The following PRKN variants were observed in gnomAD, a reference collection of about 807,000 sequenced individuals.
The protein encoded by PRKN is parkin RBR E3 ubiquitin protein ligase, also known as E3 ubiquitin-protein ligase parkin.
A neutral mutation model predicts 59.5 loss-of-function variants in PRKN; 56 were observed. The ratio of observed to expected loss-of-function variants is 0.94; its 90% CI spans 0.76 to 1.18. PRKN has a LOEUF of 1.18. PRKN is among the 50% of genes most tolerant of loss of function. The probability of loss-of-function intolerance (pLI) is 0.00; values close to 1 mark genes in which losing one functional copy is unlikely to be tolerated. For synonymous variants in PRKN, 250 were observed against 222.1 expected (o/e 1.13, Z -1.12); for missense variants, 657 against 596.4 (o/e 1.10, Z -1.06).
intron 6 of PRKN, among the ~76,000 whole-genome samples, chr6:161,913,042 G>A (rs917112382): frequency 6.6e-6 from 1 of 151,876 alleles, no homozygotes; most frequent in Non-Finnish European, 1.5e-5. Flanking sequence ...GCCTGGCATG[G>A]TAGCAGGCAC....
At chr6:162,198,137 A>T (rs1245606809) in intron 4 of PRKN, among the ~76,000 whole-genome samples, 1 of 152,228 alleles carries the variant, frequency 6.6e-6, no homozygotes, top group African/African-American at 2.4e-5. Context: ...TGATATGCAG[A>T]GCAGAAAACA....
intron 3 of PRKN, among the ~76,000 whole-genome samples, chr6:162,223,328 A>C (rs990599783): frequency 3.3e-5 from 5 of 151,936 alleles, no homozygotes; most frequent in African/African-American, 1.2e-4. Context: ...AGGGCACTTT[A>C]AGAATTTCAT....
intron 1 of PRKN, among the ~76,000 whole-genome samples, chr6:162,628,933 A>G (rs1038044337): frequency 6.6e-6 from 1 of 152,154 alleles, no homozygotes; most frequent in Non-Finnish European, 1.5e-5. Context: ...AAACTGTACT[A>G]AAATAATGTC....
intron 1 of PRKN, among the ~76,000 whole-genome samples, chr6:162,610,491 TATA>T (rs1161152840): frequency 2.0e-5 from 3 of 152,208 alleles, no homozygotes; most frequent in Non-Finnish European, 4.4e-5. Context: ...TCACATATTG[TATA>T]ATATTAACAA....
intron 1 of PRKN, among the ~76,000 whole-genome samples, chr6:162,472,802 T>C (rs1191807131): frequency 1.2e-5 from 1 of 84,488 alleles, no homozygotes; most frequent in Non-Finnish European, 2.7e-5. Context: ...CAAACTTTTA[T>C]TTTATATATA....
rs1794538126 is a variant in PRKN at position 161,874,276 on chromosome 6, T to TGTAAA, written c.735-88369_735-88368insTTTAC. Among the ~76,000 whole-genome samples, 46 of 31,406 alleles carry TGTAAA rather than the reference T, an allele frequency of 1.5e-3. 15 individuals are homozygous for TGTAAA. The highest frequency in any genetic ancestry group is 1.9e-3 in the Non-Finnish European group (34 of 17,628). 20.6% of individuals were successfully genotyped at this position (31,406 alleles called of 152,430 possible). ...TATATTATATGTAAAATATATAATA[T>TGTAAA]ATATTATATATTATATATTACATGT... On this transcript the variant is annotated intron_variant, in intron 6 of 11. Coordinates refer to ENST00000366898, the MANE Select transcript of PRKN (RefSeq NM_004562.3).
Position 161,431,731 on chromosome 6 carries a change from GC to G in PRKN, c.1084-44855del. Among the ~76,000 whole-genome samples the G allele has an allele frequency of 2.0e-5, 3 of 152,018 alleles. No individual in the cohort carries two copies. The East Asian group carries it at 5.8e-4, about 29-fold the overall frequency. ...GGGTTCAAGAGATTCTCCTGGCTCA[GC>G]CTCCCGAGTAGCTGGGATTACAGGC... is the stretch of plus-strand genomic sequence containing the variant. On this transcript the variant is annotated intron_variant, in intron 9 of 11. Coordinates refer to ENST00000366898, the MANE Select transcript of PRKN (RefSeq NM_004562.3).
At chr6:161,846,256 T>C (rs1263098970) in intron 6 of PRKN, among the ~76,000 whole-genome samples, 5 of 152,166 alleles carry the variant, frequency 3.3e-5, no homozygotes, top group African/African-American at 1.2e-4. Context: ...AGCGACCAAG[T>C]CCTGCTCACA....
intron 2 of PRKN, among the ~76,000 whole-genome samples, chr6:162,381,186 C>A (rs1484633019): frequency 6.6e-6 from 1 of 152,144 alleles, no homozygotes; most frequent in African/African-American, 2.4e-5. Context: ...GCATCGTCTC[C>A]ATTGGAAGAC....
intron 1 of PRKN, among the ~76,000 whole-genome samples, chr6:162,480,631 C>T (rs9365444): frequency 0.46 from 69,443 of 151,394 alleles, 16,118 homozygotes; most frequent in Middle Eastern, 0.53. Flanking sequence ...GCTGTGTTAG[C>T]GAGGGGAAAA....
chr6:161,591,337 T>A (rs1781718515), intron 7 of PRKN, among the ~76,000 whole-genome samples: 1 of 152,094 alleles, frequency 6.6e-6, no homozygotes, highest in South Asian at 2.1e-4. Flanking sequence ...TCACTCAGTA[T>A]CACTAGGGGA....
At chr6:162,586,030 C>T (rs1781038470) in intron 1 of PRKN, among the ~76,000 whole-genome samples, 1 of 152,114 alleles carries the variant, frequency 6.6e-6, no homozygotes, top group African/African-American at 2.4e-5. Flanking sequence ...ACACATCAAC[C>T]TGATTAATAA....
intron 1 of PRKN, among the ~76,000 whole-genome samples, chr6:162,605,179 C>T (rs970860050): frequency 2.6e-5 from 4 of 151,800 alleles, no homozygotes; most frequent in African/African-American, 9.7e-5. Flanking sequence ...ATTTTCTAAC[C>T]CTGAATATGA....
At chr6:162,095,363 C>T (rs1779682392) in intron 4 of PRKN, among the ~76,000 whole-genome samples, 1 of 152,056 alleles carries the variant, frequency 6.6e-6, no homozygotes, top group African/African-American at 2.4e-5. Context: ...GGGGAAGGTG[C>T]TTAGAGGTAA....
intron 6 of PRKN, among the ~76,000 whole-genome samples, chr6:161,947,447 G>C (rs1368579927): frequency 6.6e-6 from 1 of 152,142 alleles, no homozygotes; most frequent in Non-Finnish European, 1.5e-5. Context: ...GATTCCAAAT[G>C]GTTCACAATG....
chr6:162,672,507 A>G (rs2128230539), intron 1 of PRKN, among the ~76,000 whole-genome samples: 1 of 152,316 alleles, frequency 6.6e-6, no homozygotes, highest in East Asian at 1.9e-4. Context: ...GATATACTCT[A>G]TCTTCTATAA....
At chr6:162,296,096 G>A (rs879810160) in intron 2 of PRKN, among the ~76,000 whole-genome samples, 19 of 152,052 alleles carry the variant, frequency 1.2e-4, no homozygotes, top group Non-Finnish European at 2.5e-4. Flanking sequence ...CAAAAACAAA[G>A]CAAAAGAGAA....
chr6:161,652,394 T>C (rs935294917), intron 7 of PRKN, among the ~76,000 whole-genome samples: 5 of 152,156 alleles, frequency 3.3e-5, no homozygotes, highest in Non-Finnish European at 5.9e-5. Flanking sequence ...GGGAAACGGA[T>C]ATGATATAAT....
chr6:162,456,579 T>G (rs1488935710), intron 1 of PRKN, among the ~76,000 whole-genome samples: 2 of 152,170 alleles, frequency 1.3e-5, no homozygotes, highest in Non-Finnish European at 1.5e-5. Flanking sequence ...AATAGTTGAT[T>G]CTTGTTATTT....
Sources: allele counts gnomAD v4.1 joint callset (sites outside exome capture counted in the v4.1 genomes callset), GRCh38; gene constraint gnomAD v4.1.1; transcripts MANE v1.5; gene names NCBI Gene and HGNC (gene_info 2026-07-23, HGNC 2026-07-21).